The following MTCL1 variants were observed in gnomAD, a reference collection of about 807,000 sequenced individuals.
MTCL1 encodes the protein microtubule crosslinking factor 1, also known as microtubule cross-linking factor 1.
Under a neutral mutation model 141.4 loss-of-function variants are expected in MTCL1, and 79 were observed. The observed-to-expected ratio is 0.56, with a 90% CI of 0.47 to 0.67. The LOEUF is 0.67. Ranked by LOEUF, MTCL1 falls within the 30% of genes least tolerant of loss-of-function variation. MTCL1 has a pLI of 0.00. For missense variants in MTCL1, 2,177 were observed against 2,113.9 expected (o/e 1.03, Z -0.59); for synonymous variants, 914 against 875.8 (o/e 1.04, Z -0.77).
intron 4 of MTCL1, among the ~76,000 whole-genome samples, chr18:8,769,782 A>G (rs781209869): frequency 6.6e-6 from 1 of 152,296 alleles, no homozygotes; most frequent in Non-Finnish European, 1.5e-5. Flanking sequence ...TTCTTTAGCC[A>G]AAGTGTCTCA....
chr18:8,800,208 A>G (rs1044452348), intron 10 of MTCL1, among the ~76,000 whole-genome samples: 3 of 152,204 alleles, frequency 2.0e-5, no homozygotes, highest in African/African-American at 7.2e-5. Flanking sequence ...GGCAGCTGGG[A>G]TGCAAGAGCC....
chr18:8,715,068 T>C (rs1435773386), upstream of MTCL1, among the ~76,000 whole-genome samples: 1 of 152,318 alleles, frequency 6.6e-6, no homozygotes, highest in East Asian at 1.9e-4. Flanking sequence ...AGTGCTGGGA[T>C]TACAGGCGTG....
chr18:8,817,327 G>GGGA (rs1458962997), intron 12 of MTCL1, among the ~76,000 whole-genome samples: 14 of 142,442 alleles, frequency 9.8e-5, no homozygotes, highest in Admixed American at 1.5e-4. Flanking sequence ...GTCATCATCA[G>GGGA]GGAGGTGGAG....
In MTCL1 at chr18:8,828,527, CTG is replaced by C; in HGVS notation, c.4723-379_4723-378del. Among the ~76,000 whole-genome samples, 1 of 152,356 alleles carries C rather than the reference CTG, an allele frequency of 6.6e-6. No homozygotes were observed. The highest frequency in any genetic ancestry group is 1.5e-5 in the Non-Finnish European group (1 of 68,034). On this transcript the variant is annotated intron_variant, in intron 15 of 16. Transcript: ENST00000359865. The surrounding 1 kb of genome is among the most constrained non-coding windows in gnomAD (Gnocchi z 5.2). ...AACAAACGCAGCCGTATAATAGTCTCTGTTTTAGATACCAGTCATGCAATTTC... is the reference window on the plus strand; with the variant it reads ...AACAAACGCAGCCGTATAATAGTCTCTTTTAGATACCAGTCATGCAATTTC...
chr18:8,784,699 C>T (rs760682222), exon 6 of MTCL1: 25 of 1,614,108 alleles, frequency 1.5e-5, no homozygotes, highest in Admixed American at 1.7e-5. Flanking sequence ...TGCAGGCCTT[C>T]CTGGAGCAGG....
At chr18:8,746,886 T>C (rs1029691658) in intron 4 of MTCL1, among the ~76,000 whole-genome samples, 1 of 151,600 alleles carries the variant, frequency 6.6e-6, no homozygotes, top group Non-Finnish European at 1.5e-5. Context: ...GTGGTAGGAG[T>C]GGGGGCAGTT....
chr18:8,752,336 C>T (rs1168309841), intron 4 of MTCL1, among the ~76,000 whole-genome samples: 1 of 152,188 alleles, frequency 6.6e-6, no homozygotes, highest in Non-Finnish European at 1.5e-5. Flanking sequence ...TTAAAGTTTT[C>T]TCTTTTACTA....
chr18:8,819,685 C>T (rs1238929440), intron 13 of MTCL1, among the ~76,000 whole-genome samples: 3 of 151,932 alleles, frequency 2.0e-5, no homozygotes, highest in Non-Finnish European at 4.4e-5. Flanking sequence ...TCACCACAGC[C>T]GTGACCTCCT....
chr18:8,781,880 G>C (rs945606370), intron 5 of MTCL1, among the ~76,000 whole-genome samples: 2 of 152,184 alleles, frequency 1.3e-5, no homozygotes, highest in Non-Finnish European at 2.9e-5. Context: ...GACAGTGGGC[G>C]TGTCATCCTC....
chr18:8,798,466 C>T (rs1214509667), intron 10 of MTCL1, among the ~76,000 whole-genome samples, 175 bp downstream of exon 9: 2 of 152,174 alleles, frequency 1.3e-5, no homozygotes, highest in African/African-American at 4.8e-5. Flanking sequence ...GAAATCACCT[C>T]ATCAAACCTT....
intron 4 of MTCL1, among the ~76,000 whole-genome samples, chr18:8,752,937 C>G (rs927157182): frequency 1.3e-5 from 2 of 152,178 alleles, no homozygotes; most frequent in African/African-American, 4.8e-5. Flanking sequence ...ATACAGTGGG[C>G]AAACAGGCAA....
At chr18:8,731,223 C>T (rs541524983) in intron 4 of MTCL1, among the ~76,000 whole-genome samples, 27 of 149,454 alleles carry the variant, frequency 1.8e-4, no homozygotes, top group African/African-American at 5.9e-4. Flanking sequence ...CCAGCCTGGG[C>T]GACAGAGCAA....
intron 4 of MTCL1, among the ~76,000 whole-genome samples, chr18:8,744,208 G>A (rs916252001): frequency 1.3e-5 from 2 of 152,232 alleles, no homozygotes; most frequent in Non-Finnish European, 2.9e-5. Context: ...CACCCTTTCC[G>A]CCGCTAGCTA....
rs1403861848 is a variant in MTCL1, at chr18:8,828,420, AT to A, written c.4723-487del. Among the ~76,000 whole-genome samples the A allele has an allele frequency of 1.3e-5, 2 of 152,176 alleles. No individual in the cohort carries two copies. Among genetic ancestry groups the A allele is most frequent in the Non-Finnish European group, 2.9e-5 (2 of 68,038 alleles). On this transcript the variant is annotated intron_variant, in intron 15 of 16. Transcript: ENST00000359865. The surrounding 1 kb of genome is among the most constrained non-coding windows in gnomAD (Gnocchi z 5.2). Reference sequence around the variant, plus strand: ...TGAAGAGAAAGAATCTGAAAATGGAATGCTCTTCCTCCCTCCCCTAAGTGGA... The same window carrying A: ...TGAAGAGAAAGAATCTGAAAATGGAAGCTCTTCCTCCCTCCCCTAAGTGGA...
chr18:8,722,089 A>T (rs538105003), intron 4 of MTCL1, among the ~76,000 whole-genome samples: 6 of 152,250 alleles, frequency 3.9e-5, no homozygotes, highest in Admixed American at 2.0e-4. Context: ...CTAATTAAGG[A>T]TCTCTGCCTC....
chr18:8,771,927 G>A (rs762312177), intron 4 of MTCL1, among the ~76,000 whole-genome samples: 1 of 152,232 alleles, frequency 6.6e-6, no homozygotes, highest in Non-Finnish European at 1.5e-5. Context: ...ATTGTTCCTT[G>A]GAAGAGACTC....
intron 4 of MTCL1, among the ~76,000 whole-genome samples, chr18:8,761,305 T>G (rs1027489672): frequency 6.6e-6 from 1 of 152,204 alleles, no homozygotes; most frequent in African/African-American, 2.4e-5. Context: ...GACTGAAAAT[T>G]TTTGATGTAA....
exon 6 of MTCL1, chr18:8,783,587 A>C: frequency 6.2e-7 from 1 of 1,613,360 alleles, no homozygotes; most frequent in Non-Finnish European, 8.5e-7. Flanking sequence ...AGCCTTCCTG[A>C]TGCGCAAAAA....
At chr18:8,705,585 A>ACGCCGC (rs529374906), upstream of MTCL1, 13,728 of 1,137,654 alleles carry the variant, frequency 0.012, 222 homozygotes, top group Middle Eastern at 0.03. This position sits in a 1 kb window ranked among gnomAD's most constrained non-coding sequence, Gnocchi z 5.2. Flanking sequence ...GGGAGGCTGC[A>ACGCCGC]CGCCGCCGCC....
Sources: allele counts gnomAD v4.1 joint callset (sites outside exome capture counted in the v4.1 genomes callset), GRCh38; gene constraint gnomAD v4.1.1; non-coding constraint Gnocchi (gnomAD v3.1); transcripts MANE v1.5; gene names NCBI Gene and HGNC (gene_info 2026-07-23, HGNC 2026-07-21).